CASD1: variants seen among roughly 807,000 people sequenced by gnomAD.
The protein encoded by CASD1 is CAS1 domain sialic acid O acetyltransferase 1.
A neutral mutation model predicts 100.0 loss-of-function variants in CASD1; 41 were observed. The ratio of observed to expected loss-of-function variants is 0.41; its 90% CI spans 0.32 to 0.53. The LOEUF (loss-of-function observed/expected upper bound fraction) is 0.53, where lower values mean the gene tolerates loss of function less well. CASD1 is among the 20% of genes least tolerant of loss of function. The pLI is 0.25. For missense variants in CASD1, 774 were observed against 948.7 expected, an observed-to-expected ratio of 0.82 and a Z score of 2.42; for synonymous variants, 321 against 315.6, an observed-to-expected ratio of 1.02 and a Z score of -0.18.
At chr7:94,620,968 A>T in the CASD1 span, 2 of 152,218 alleles carry the variant, frequency 1.3e-5, no homozygotes, top group African/African-American at 4.8e-5. Flanking sequence ...AGGCCAACAG[A>T]TTGGTGGCAG....
the CASD1 span, among the ~76,000 whole-genome samples, chr7:94,582,427 T>G: frequency 6.6e-6 from 1 of 152,164 alleles, no homozygotes; most frequent in Non-Finnish European, 1.5e-5. Context: ...CTGGCCAGCT[T>G]TTTTTCATAT....
chr7:94,515,332 T>C (rs1409073797), intron 1 of CASD1, among the ~76,000 whole-genome samples: 1 of 152,060 alleles, frequency 6.6e-6, no homozygotes, highest in East Asian at 1.9e-4. Context: ...AAGAATTTCT[T>C]CCATGGAAAG....
intron 3 of CASD1, among the ~76,000 whole-genome samples, chr7:94,521,462 C>G (rs1468120558): frequency 6.6e-6 from 1 of 152,066 alleles, no homozygotes; most frequent in African/African-American, 2.4e-5. Context: ...GGTAAATGAT[C>G]ACAATTAAAG....
chr7:94,574,829 G>C, the CASD1 span, among the ~76,000 whole-genome samples: 1 of 152,058 alleles, frequency 6.6e-6, no homozygotes, highest in African/African-American at 2.4e-5. Flanking sequence ...AATTAGCCGG[G>C]CATGGCAGCG....
intron 1 of CASD1, among the ~76,000 whole-genome samples, chr7:94,510,779 G>T (rs1793667176): frequency 6.6e-6 from 1 of 152,268 alleles, no homozygotes; most frequent in Admixed American, 6.5e-5. Context: ...TGCCAAAAGG[G>T]CGACAGCTGG....
At chr7:94,510,602 C>T (rs745414161) in intron 1 of CASD1, among the ~76,000 whole-genome samples, 5 of 152,204 alleles carry the variant, frequency 3.3e-5, no homozygotes, top group Non-Finnish European at 5.9e-5. Flanking sequence ...CAGCCCGGGG[C>T]GCATGAAGCC....
At chr7:94,579,699 A>G in the CASD1 span, among the ~76,000 whole-genome samples, 1 of 152,148 alleles carries the variant, frequency 6.6e-6, no homozygotes, top group Non-Finnish European at 1.5e-5. Flanking sequence ...AGATGACAAA[A>G]TGAGCACCAG....
chr7:94,603,325 T>C, the CASD1 span: 3 of 1,612,482 alleles, frequency 1.9e-6, no homozygotes, highest in South Asian at 1.1e-5. Flanking sequence ...TAAAATTGAG[T>C]ACGAAATTTT....
intron 1 of CASD1, among the ~76,000 whole-genome samples, chr7:94,510,638 C>T (rs1475852938): frequency 1.3e-5 from 2 of 152,226 alleles, no homozygotes; most frequent in Non-Finnish European, 2.9e-5. Context: ...AGGGGCACCG[C>T]TGCCAGCAGT....
At chr7:94,531,792 G>C (rs1453709422) in intron 5 of CASD1, among the ~76,000 whole-genome samples, 1 of 151,840 alleles carries the variant, frequency 6.6e-6, no homozygotes, top group Non-Finnish European at 1.5e-5. Flanking sequence ...ATTGTTTCTT[G>C]TGTGTATGAT....
At position 94,518,776 on chromosome 7, in the gene CASD1, T is replaced by C. The variant is rs573531049; in HGVS notation, c.351+453T>C. Reference sequence around the variant, plus strand: ...CACCATTATATAATCAACTTAAGTATCTTCTTAATGGCAACATATTATTGA... The same window carrying C: ...CACCATTATATAATCAACTTAAGTACCTTCTTAATGGCAACATATTATTGA... On this transcript the variant is annotated intron_variant, in intron 3 of 17. Coordinates refer to ENST00000297273, the MANE Select transcript of CASD1 (RefSeq NM_022900.5). Among the ~76,000 whole-genome samples, 7 of 152,206 alleles carry C rather than the reference T, an allele frequency of 4.6e-5. No homozygotes were observed. The South Asian group carries it at 1.4e-3, about 32-fold the overall frequency.
the CASD1 span, among the ~76,000 whole-genome samples, chr7:94,610,429 T>TAA: frequency 3.3e-5 from 5 of 152,142 alleles, no homozygotes; most frequent in South Asian, 4.1e-4. Context: ...GGGATGTTGA[T>TAA]AATGGGGGAG....
chr7:94,596,190 C>T, the CASD1 span, among the ~76,000 whole-genome samples: 1 of 151,954 alleles, frequency 6.6e-6, no homozygotes, highest in East Asian at 1.9e-4. Context: ...TATGGAAGGA[C>T]CAGAAAGATC....
intron 7 of CASD1, among the ~76,000 whole-genome samples, chr7:94,534,700 G>A (rs1254709791): frequency 6.6e-6 from 1 of 152,074 alleles, no homozygotes; most frequent in Non-Finnish European, 1.5e-5. Context: ...TTATTTCCAA[G>A]TTGAATGTCA....
chr7:94,527,131 A>G (rs1288121323), intron 3 of CASD1, 31 bp from the exon 4 acceptor site: 12 of 1,546,488 alleles, frequency 7.8e-6, no homozygotes, highest in Non-Finnish European at 1.1e-5. Context: ...TAATCTATAC[A>G]TTAATATTTC....
chr7:94,533,215 C>T lies in CASD1; in HGVS notation c.470C>T (p.Ala157Val). 2.5e-6 allele frequency: 4 copies of T among 1,607,816 alleles called. No individual in the cohort carries two copies. Among genetic ancestry groups the T allele is most frequent in the Non-Finnish European group, 3.4e-6 (4 of 1,175,972 alleles). The part of the protein sequence containing the change: ...CIKVWTEDSI[A>V]KPHVIVAGAA... ...TTTGTCTTCCTTTAGGATTCCATTG[C>T]AAAGCCACATGTGATTGTAGCAGGA... The change falls in exon 6 of 18, where the codon GCA becomes GTA. Residue 157 changes from alanine to valine, a missense_variant. Physicochemically the swap from Ala to Val is moderately conservative, Grantham distance 64. This residue lies in a region of CASD1 where 453 missense variants were observed against 532.6 expected (regional missense o/e 0.85). Coordinates refer to ENST00000297273, the MANE Select transcript of CASD1 (RefSeq NM_022900.5).
At chr7:94,590,893 G>A in the CASD1 span, 3 of 152,092 alleles carry the variant, frequency 2.0e-5, no homozygotes, top group Non-Finnish European at 4.4e-5. Context: ...AAAACAGTGC[G>A]TGCTAGTTAA....
Position 94,509,854 on chromosome 7 carries a change from C to T in CASD1, c.-231C>T. The T allele has an allele frequency of 3.0e-6, 3 of 985,912 alleles. No individual in the cohort carries two copies. Among genetic ancestry groups the T allele is most frequent in the Non-Finnish European group, 3.6e-6 (3 of 828,564 alleles). The allele number at this position is 985,912 out of a possible 1,614,324, so 61.1% of individuals were successfully genotyped here. ...CTGGGGAACCGGCACGGCGGAGCAGCGGCGGCGGGGCTGGGGGGAGGCCGC... is the reference window on the plus strand; with the variant it reads ...CTGGGGAACCGGCACGGCGGAGCAGTGGCGGCGGGGCTGGGGGGAGGCCGC... On this transcript the variant is annotated 5_prime_UTR_variant, in exon 1 of 18. Coordinates refer to ENST00000297273, the MANE Select transcript of CASD1 (RefSeq NM_022900.5).
At chr7:94,614,584 C>T in the CASD1 span, among the ~76,000 whole-genome samples, 2 of 152,140 alleles carry the variant, frequency 1.3e-5, no homozygotes, top group Non-Finnish European at 2.9e-5. Flanking sequence ...CCCTGCATAG[C>T]GTTCCCATTT....
Sources: allele counts gnomAD v4.1 joint callset (sites outside exome capture counted in the v4.1 genomes callset), GRCh38; gene constraint gnomAD v4.1.1; regional missense constraint gnomAD v4.1.1; transcripts MANE v1.5; gene names NCBI Gene and HGNC (gene_info 2026-07-23, HGNC 2026-07-21).